RORA: variants seen among roughly 807,000 people sequenced by gnomAD.
RORA encodes RAR related orphan receptor A, also known as nuclear receptor ROR-alpha.
Under a neutral mutation model 69.5 loss-of-function variants are expected in RORA, and 7 were observed. The ratio of observed to expected loss-of-function variants is 0.10; its 90% CI spans 0.06 to 0.19. RORA has a LOEUF of 0.19. RORA is among the 10% of genes least tolerant of loss of function. The pLI is 1.00. For synonymous variants in RORA, 261 were observed against 240.8 expected (o/e 1.08, Z -0.78); for missense variants, 457 against 663.0 (o/e 0.69, Z 3.41).
chr15:60,664,109 A>G (rs2070346752), intron 2 of RORA, among the ~76,000 whole-genome samples: 1 of 152,196 alleles, frequency 6.6e-6, no homozygotes, highest in Non-Finnish European at 1.5e-5. Flanking sequence ...ACTGTCCCTG[A>G]GTGGCTCCCC....
At chr15:61,117,194 T>TTTTA (rs762452270) in intron 1 of RORA, among the ~76,000 whole-genome samples, 3 of 150,798 alleles carry the variant, frequency 2.0e-5, no homozygotes, top group African/African-American at 7.3e-5. Context: ...TTTTTTTTTT[T>TTTTA]AACATAAACT....
At chr15:60,851,431 T>C (rs1018186846) in intron 1 of RORA, among the ~76,000 whole-genome samples, 1 of 152,124 alleles carries the variant, frequency 6.6e-6, no homozygotes, top group Admixed American at 6.6e-5. Flanking sequence ...GGGTTGCATG[T>C]GTTGGCAGCC....
At chr15:60,575,730 G>A (rs1225690019) in intron 2 of RORA, among the ~76,000 whole-genome samples, 2 of 152,110 alleles carry the variant, frequency 1.3e-5, no homozygotes, top group East Asian at 1.9e-4. Flanking sequence ...CAAAATCACC[G>A]AATAATGCAA....
chr15:60,781,774 T>C (rs2072262084), intron 1 of RORA, among the ~76,000 whole-genome samples: 1 of 152,174 alleles, frequency 6.6e-6, no homozygotes, highest in Non-Finnish European at 1.5e-5. Context: ...CCTCCAGAGT[T>C]TGAGAGTCTG....
Position 61,049,852 on chromosome 15 carries a change from G to A in RORA, c.166+179201C>T, listed in dbSNP as rs1478137042. 3.3e-5 allele frequency among the ~76,000 whole-genome samples: 5 copies of A among 152,084 alleles called. No homozygotes were observed. In the East Asian group the frequency reaches 9.7e-4, roughly 29 times the overall value. Reference sequence around the variant, plus strand: ...TTTTTCATATTTTTAGTAGAAACGAGGTTTCACTGTGTTAGCCAGAATGGT... The same window carrying A: ...TTTTTCATATTTTTAGTAGAAACGAAGTTTCACTGTGTTAGCCAGAATGGT... On this transcript the variant is annotated intron_variant, in intron 1 of 10. Coordinates refer to ENST00000335670, the MANE Select transcript of RORA (RefSeq NM_134261.3).
At chr15:60,921,235 A>G (rs539883681) in intron 1 of RORA, among the ~76,000 whole-genome samples, 7 of 152,348 alleles carry the variant, frequency 4.6e-5, no homozygotes, top group Admixed American at 4.6e-4. Context: ...GTATAAGAAT[A>G]TTCACAGAGC....
At chr15:60,993,541 G>T (rs1894444126) in intron 1 of RORA, among the ~76,000 whole-genome samples, 1 of 151,426 alleles carries the variant, frequency 6.6e-6, no homozygotes, top group Non-Finnish European at 1.5e-5. Flanking sequence ...TACTCTGGAG[G>T]CTGAGGCAGG....
At chr15:60,920,363 C>T (rs372310624) in intron 1 of RORA, among the ~76,000 whole-genome samples, 3 of 152,174 alleles carry the variant, frequency 2.0e-5, no homozygotes, top group East Asian at 1.9e-4. Context: ...ATGTTTTCAA[C>T]GTCAAAGAAT....
At chr15:60,912,149 G>A (rs750853088) in intron 1 of RORA, among the ~76,000 whole-genome samples, 54 of 151,702 alleles carry the variant, frequency 3.6e-4, no homozygotes, top group Admixed American at 2.4e-3. Flanking sequence ...AGTGGCTCAC[G>A]CCTATAATCC....
chr15:60,916,478 A>G (rs2140484708), intron 1 of RORA, among the ~76,000 whole-genome samples: 1 of 152,320 alleles, frequency 6.6e-6, no homozygotes, highest in East Asian at 1.9e-4. Context: ...TAAAAGAGGA[A>G]GCAGTCGATG....
At chr15:61,068,271 C>T (rs1054843944) in intron 1 of RORA, among the ~76,000 whole-genome samples, 10 of 152,160 alleles carry the variant, frequency 6.6e-5, no homozygotes, top group Admixed American at 4.6e-4. Flanking sequence ...CTACACAAAA[C>T]GTATAGAGAA....
At chr15:60,720,971 T>C (rs1372680459) in intron 1 of RORA, among the ~76,000 whole-genome samples, 6 of 152,112 alleles carry the variant, frequency 3.9e-5, no homozygotes, top group Non-Finnish European at 5.9e-5. Context: ...CTCTCGAACT[T>C]ACTACTTCCT....
chr15:60,591,871 G>T (rs1342374190), intron 2 of RORA, among the ~76,000 whole-genome samples: 1 of 151,916 alleles, frequency 6.6e-6, no homozygotes, highest in Non-Finnish European at 1.5e-5. Flanking sequence ...CGGGGACGCA[G>T]GGGCAGGGCG....
intron 1 of RORA, among the ~76,000 whole-genome samples, chr15:60,997,845 C>G (rs1285247126): frequency 6.6e-6 from 1 of 152,154 alleles, no homozygotes; most frequent in Non-Finnish European, 1.5e-5. Flanking sequence ...CTTTCTGTGG[C>G]TTTAAGAATT....
chr15:60,512,296 T>G (rs1274871582), intron 4 of RORA, among the ~76,000 whole-genome samples: 1 of 152,060 alleles, frequency 6.6e-6, no homozygotes, highest in Non-Finnish European at 1.5e-5. Context: ...TTTAGTTAGT[T>G]ATTTTGAGAC....
chr15:60,774,503 G>A (rs1355762279), intron 1 of RORA, among the ~76,000 whole-genome samples: 4 of 152,134 alleles, frequency 2.6e-5, no homozygotes, highest in Non-Finnish European at 5.9e-5. Context: ...GGGTATTCCC[G>A]CTTCTGCTAG....
intron 1 of RORA, among the ~76,000 whole-genome samples, chr15:61,135,916 T>C (rs2079235607): frequency 6.6e-6 from 1 of 152,208 alleles, no homozygotes; most frequent in Admixed American, 6.5e-5. Flanking sequence ...CCCATAGCTG[T>C]ATATAGGCTA....
At chr15:60,736,192 TC>T (rs1280482975) in intron 1 of RORA, among the ~76,000 whole-genome samples, 2 of 152,172 alleles carry the variant, frequency 1.3e-5, no homozygotes, top group Non-Finnish European at 2.9e-5. Flanking sequence ...CTCCTTTTTT[TC>T]CCCTGGTCCC....
intron 1 of RORA, among the ~76,000 whole-genome samples, chr15:60,679,138 C>A (rs551774535): frequency 4.5e-4 from 68 of 152,212 alleles, no homozygotes; most frequent in Admixed American, 8.5e-4. Flanking sequence ...TGAAAACGAC[C>A]CTTCCTCCTC....
Sources: allele counts gnomAD v4.1 joint callset (sites outside exome capture counted in the v4.1 genomes callset), GRCh38; gene constraint gnomAD v4.1.1; transcripts MANE v1.5; gene names NCBI Gene and HGNC (gene_info 2026-07-23, HGNC 2026-07-21).